Variants in CABYR observed in about 807,000 individuals in gnomAD.
CABYR encodes the protein calcium binding tyrosine phosphorylation regulated, also known as calcium-binding tyrosine phosphorylation-regulated protein.
A neutral mutation model predicts 36.1 loss-of-function variants in CABYR; 31 were observed. That is an observed-to-expected ratio of 0.86 (90% CI 0.64 to 1.16). CABYR has a LOEUF of 1.16. Ranked by LOEUF, CABYR falls within the 50% of genes most tolerant of loss-of-function variation. CABYR has a pLI of 0.00. For missense variants in CABYR, 429 were observed against 455.8 expected (o/e 0.94, Z 0.53); for synonymous variants, 146 against 160.7 (o/e 0.91, Z 0.69).
intron 4 of CABYR, chr18:24,156,463 C>T (rs1221936058): frequency 1.2e-6 from 2 of 1,614,188 alleles, no homozygotes; most frequent in Middle Eastern, 1.6e-4. Flanking sequence ...ATCCCTTTTA[C>T]TGATCAAGTT....
intron 4 of CABYR, 110 bp downstream of exon 4, chr18:24,156,152 T>C: frequency 6.2e-7 from 1 of 1,614,208 alleles, no homozygotes; most frequent in Non-Finnish European, 8.5e-7. Flanking sequence ...CTGCTGAAGA[T>C]GTCATGGTGG....
intron 5 of CABYR, among the ~76,000 whole-genome samples, chr18:24,160,458 A>G (rs1567906286): frequency 6.6e-6 from 1 of 152,216 alleles, no homozygotes; most frequent in African/African-American, 2.4e-5. Context: ...AGAGCAAGGT[A>G]AGAGAGAAAG....
At chr18:24,160,123 G>A (rs2085913653) in intron 5 of CABYR, 54 bp downstream of exon 5, 1 of 1,231,404 alleles carries the variant, frequency 8.1e-7, no homozygotes, top group South Asian at 1.4e-5. Context: ...CGCGTTTTAA[G>A]CATTTTGATT....
At chr18:24,155,559 C>T (rs987389179) in intron 3 of CABYR, 142 bp from the exon 4 acceptor site, 11 of 627,522 alleles carry the variant, frequency 1.8e-5, no homozygotes, top group East Asian at 5.6e-5. Flanking sequence ...TGGGCTCAAG[C>T]GATCCTCCTG....
rs776301692 is a variant in CABYR, at chr18:24,156,276, G to C, written c.541+234G>C. 1.5e-5 allele frequency: 25 copies of C among 1,614,058 alleles called. No individual in the cohort carries two copies. The South Asian group carries it at 2.7e-4, about 18-fold the overall frequency. ...AGAAAATGAGGCTGAACCATCAACGGCTTCCTCAGTCCCCTTGCAGGATGA... is the reference window on the plus strand; with the variant it reads ...AGAAAATGAGGCTGAACCATCAACGCCTTCCTCAGTCCCCTTGCAGGATGA... On this transcript the variant is annotated intron_variant, in intron 4 of 5. Coordinates refer to ENST00000399496, the MANE Select transcript of CABYR (RefSeq NM_153769.3).
intron 1 of CABYR, among the ~76,000 whole-genome samples, chr18:24,141,221 C>T (rs2085313257): frequency 6.6e-6 from 1 of 152,150 alleles, no homozygotes; most frequent in African/African-American, 2.4e-5. Context: ...TTTGTCCTGA[C>T]CTTTGGGAAG....
chr18:24,154,634 C>A (rs985801709), intron 3 of CABYR, among the ~76,000 whole-genome samples: 8 of 152,202 alleles, frequency 5.3e-5, no homozygotes, highest in African/African-American at 1.4e-4. Context: ...CAAATATATT[C>A]TTATGAAGCA....
At position 24,155,724 on chromosome 18, in the gene CABYR, A is replaced by T. The variant is rs763609438; in HGVS notation, c.223A>T (p.Thr75Ser). 12 of 1,606,066 alleles carry T rather than the reference A, an allele frequency of 7.5e-6. No individual in the cohort carries two copies. Among genetic ancestry groups the T allele is most frequent in the Admixed American group, 1.7e-5 (1 of 58,570 alleles). Residue 75 changes from threonine to serine, a missense_variant, in exon 4 of 6, where the codon ACA becomes TCA. Physicochemically the swap from Thr to Ser is moderately conservative, Grantham distance 58 (BLOSUM62 1). Transcript: ENST00000399496. The stretch of plus-strand genomic sequence containing the variant: ...AGTAGAGAAATGGTCAGAAGGAACG[A>T]CACCACAGAAGAAATTAGAATGTTT... ...IKVEKWSEGT[T>S]PQKKLECLKE...
In CABYR at chr18:24,151,812, C is replaced by T. The variant is rs191715834; in HGVS notation, c.200-3889C>T. Among the ~76,000 whole-genome samples, 10 of 151,738 alleles carry T rather than the reference C, an allele frequency of 6.6e-5. No homozygotes were observed. The East Asian group carries it at 1.9e-3, about 30-fold the overall frequency. On this transcript the variant is annotated intron_variant, in intron 3 of 5. Transcript: ENST00000399496. Reference sequence around the variant, plus strand: ...TCAAGCAATTCTCCTGCCTCAGCTTCCTGAGTACCTGGGATTACAGGCATG... The same window carrying T: ...TCAAGCAATTCTCCTGCCTCAGCTTTCTGAGTACCTGGGATTACAGGCATG...
intron 1 of CABYR, 38 bp from the exon 2 acceptor site, chr18:24,143,046 ATTTTAGT>A: frequency 2.5e-6 from 3 of 1,215,386 alleles, no homozygotes; most frequent in Non-Finnish European, 3.3e-6. Flanking sequence ...AAAAAAACCT[ATTTTAGT>A]AAAACTAATT....
intron 3 of CABYR, among the ~76,000 whole-genome samples, chr18:24,155,322 C>T (rs867777900): frequency 1.1e-4 from 17 of 152,246 alleles, no homozygotes; most frequent in South Asian, 2.1e-4. Flanking sequence ...CTTGCTACTG[C>T]GCTATTAAGT....
chr18:24,158,316 ATTTCT>A (rs1032875159), intron 4 of CABYR, among the ~76,000 whole-genome samples: 4 of 141,112 alleles, frequency 2.8e-5, no homozygotes, highest in African/African-American at 1.0e-4. Context: ...GCGTAGTATT[ATTTCT>A]TTTTTTTTTT....
At chr18:24,148,585 C>T (rs146203584) in intron 3 of CABYR, 136 of 159,180 alleles carry the variant, frequency 8.5e-4, no homozygotes, top group East Asian at 2.4e-3. Context: ...AATGAAGCCG[C>T]GGACCCTCAC....
intron 3 of CABYR, among the ~76,000 whole-genome samples, chr18:24,144,033 G>A (rs2085396488): frequency 6.6e-6 from 1 of 152,024 alleles, no homozygotes; most frequent in African/African-American, 2.4e-5. Flanking sequence ...GAGTAGTTGG[G>A]ACTCCAGGCG....
Position 24,153,563 on chromosome 18 carries a change from T to TG in CABYR, c.200-2135dup, listed in dbSNP as rs1214529592. On this transcript the variant is annotated intron_variant, in intron 3 of 5. Transcript: ENST00000399496. ...TGGTGTGATGGCAGCCTATTCTTTCTGGGCCCTGCTACAGCTGAGACTGTT... is the reference window on the plus strand; with the variant it reads ...TGGTGTGATGGCAGCCTATTCTTTCTGGGGCCCTGCTACAGCTGAGACTGTT... Among the ~76,000 whole-genome samples, 6 of 152,298 alleles carry TG rather than the reference T, an allele frequency of 3.9e-5. No homozygotes were observed. The East Asian group carries it at 1.2e-3, about 29-fold the overall frequency.
chr18:24,145,741 C>G (rs2085444437), intron 3 of CABYR, among the ~76,000 whole-genome samples: 2 of 151,968 alleles, frequency 1.3e-5, no homozygotes, highest in South Asian at 4.2e-4. Flanking sequence ...TTGGGCCCAG[C>G]CAAAAATAAG....
In CABYR at chr18:24,160,010, T is replaced by C; in HGVS notation, c.1080T>C (p.Ile360=). The C allele has an allele frequency of 6.2e-7, 1 of 1,614,172 alleles. No homozygotes were observed. Among genetic ancestry groups the C allele is most frequent in the South Asian group, 1.1e-5 (1 of 91,074 alleles). The part of the protein sequence containing the change: ...DKCAPFGSYG[I]AGEVTVTTAH... Reference sequence around the variant, plus strand: ...GTGCTCCCTTTGGAAGTTACGGTATTGCTGGGGAGGTAACCGTGACTACTG... The same window carrying C: ...GTGCTCCCTTTGGAAGTTACGGTATCGCTGGGGAGGTAACCGTGACTACTG... The change falls in exon 5 of 6, where the codon ATT becomes ATC. Residue 360 remains isoleucine (I), a synonymous_variant. Transcript: ENST00000399496.
intron 3 of CABYR, among the ~76,000 whole-genome samples, chr18:24,149,394 T>G (rs1326703938): frequency 3.3e-5 from 5 of 152,156 alleles, no homozygotes; most frequent in Non-Finnish European, 7.4e-5. Context: ...AACCTTGAGC[T>G]AGATAGAGAG....
At chr18:24,144,557 G>A (rs528208123) in intron 3 of CABYR, among the ~76,000 whole-genome samples, 1 of 152,252 alleles carries the variant, frequency 6.6e-6, no homozygotes, top group African/African-American at 2.4e-5. Context: ...CTTGAGCCCC[G>A]GAGTCCAAGA....
Sources: allele counts gnomAD v4.1 joint callset (sites outside exome capture counted in the v4.1 genomes callset), GRCh38; gene constraint gnomAD v4.1.1; transcripts MANE v1.5; gene names NCBI Gene and HGNC (gene_info 2026-07-23, HGNC 2026-07-21).